EPHA6: variants seen among roughly 807,000 people sequenced by gnomAD.
EPHA6 encodes ephrin type-A receptor 6.
A neutral mutation model predicts 112.0 loss-of-function variants in EPHA6; 50 were observed. The ratio of observed to expected loss-of-function variants is 0.45; its 90% confidence interval spans 0.36 to 0.56. The LOEUF (loss-of-function observed/expected upper bound fraction) is 0.56, where lower values mean the gene tolerates loss of function less well. Ranked by LOEUF, EPHA6 falls within the 20% of genes least tolerant of loss-of-function variation. EPHA6 has a pLI of 0.00. For missense variants in EPHA6, 1,280 were observed against 1,417.4 expected (o/e 0.90, Z 1.56); for synonymous variants, 529 against 490.7 (o/e 1.08, Z -1.03).
At chr3:97,318,574 A>G (rs1432010802) in intron 5 of EPHA6, among the ~76,000 whole-genome samples, 1 of 151,904 alleles carries the variant, frequency 6.6e-6, no homozygotes, top group Non-Finnish European at 1.5e-5. Context: ...TTTAATATAT[A>G]TTTTTCAGTT....
intron 1 of EPHA6, among the ~76,000 whole-genome samples, chr3:96,840,255 C>G (rs1055220250): frequency 1.3e-5 from 2 of 151,970 alleles, no homozygotes; most frequent in East Asian, 3.9e-4. Flanking sequence ...AACCAGATAC[C>G]CAACTAATTC....
intron 2 of EPHA6, among the ~76,000 whole-genome samples, chr3:96,897,692 A>C (rs74848509): frequency 0.012 from 1,850 of 152,336 alleles, 34 homozygotes; most frequent in African/African-American, 0.043. Flanking sequence ...CAGCAAAATA[A>C]AAAGGGAGAG....
rs1337683388 is a variant in EPHA6, at chr3:96,822,840, A to G, written c.385+7832A>G. Among the ~76,000 whole-genome samples the G allele has an allele frequency of 2.0e-5, 3 of 151,346 alleles. No individual in the cohort carries two copies. In the Admixed American group the frequency reaches 2.0e-4, roughly 10 times the overall value. ...TGCAAAGAGAATCACATTCTTAGGT[A>G]GTGTATAGAGTATAACACCTAGAAA... is the stretch of plus-strand genomic sequence containing the variant. On this transcript the variant is annotated intron_variant, in intron 1 of 17. Transcript: ENST00000389672.
At chr3:97,201,433 G>A (rs1437674916) in intron 3 of EPHA6, among the ~76,000 whole-genome samples, 2 of 152,092 alleles carry the variant, frequency 1.3e-5, no homozygotes, top group African/African-American at 2.4e-5. Flanking sequence ...CCTAAAATCT[G>A]TTAACAGTTT....
chr3:97,211,374 T>A (rs1370287839), intron 3 of EPHA6, among the ~76,000 whole-genome samples: 1 of 152,180 alleles, frequency 6.6e-6, no homozygotes, highest in East Asian at 1.9e-4. Context: ...TTAAGTTCTA[T>A]CTTTTATTCC....
At chr3:97,599,118 A>AT (rs1270439325) in intron 12 of EPHA6, among the ~76,000 whole-genome samples, 3 of 151,026 alleles carry the variant, frequency 2.0e-5, no homozygotes, top group African/African-American at 7.3e-5. Flanking sequence ...GGGTTGTTTG[A>AT]TTTTTTCTTG....
chr3:97,196,124 C>T (rs2077434913), intron 3 of EPHA6, among the ~76,000 whole-genome samples: 1 of 149,926 alleles, frequency 6.7e-6, no homozygotes, highest in South Asian at 2.1e-4. Context: ...CTAGATTTGC[C>T]CTTTTGAGGC....
At chr3:97,675,436 T>G (rs1027802054) in intron 14 of EPHA6, among the ~76,000 whole-genome samples, 4 of 152,214 alleles carry the variant, frequency 2.6e-5, no homozygotes, top group African/African-American at 9.6e-5. Context: ...GCAGAGATCT[T>G]GACACTGCAC....
At chr3:97,154,251 T>C (rs2108383039) in intron 3 of EPHA6, among the ~76,000 whole-genome samples, 2 of 152,230 alleles carry the variant, frequency 1.3e-5, no homozygotes, top group East Asian at 3.9e-4. Context: ...AAGATATGTC[T>C]CGTCTTTTTC....
At chr3:97,629,364 A>T (rs1157411543) in intron 13 of EPHA6, among the ~76,000 whole-genome samples, 9 of 152,032 alleles carry the variant, frequency 5.9e-5, no homozygotes, top group Non-Finnish European at 1.3e-4. Flanking sequence ...ATACTATTCT[A>T]AAAATAATGT....
chr3:97,528,125 G>A (rs1439869760), intron 10 of EPHA6, among the ~76,000 whole-genome samples: 1 of 152,088 alleles, frequency 6.6e-6, no homozygotes, highest in Non-Finnish European at 1.5e-5. Context: ...GTGTTTTGGG[G>A]TGGCACAATG....
intron 6 of EPHA6, among the ~76,000 whole-genome samples, chr3:97,438,316 T>C (rs1156488366): frequency 1.3e-5 from 2 of 152,168 alleles, no homozygotes; most frequent in Non-Finnish European, 2.9e-5. Flanking sequence ...TACTGTTTTG[T>C]AAAATATTTT....
intron 5 of EPHA6, among the ~76,000 whole-genome samples, chr3:97,265,043 T>C (rs529738106): frequency 5.3e-5 from 8 of 152,160 alleles, no homozygotes; most frequent in Non-Finnish European, 1.2e-4. Flanking sequence ...ATTGTTAAGC[T>C]ATCAGCAGAG....
At chr3:97,637,765 C>T (rs1312063641) in intron 13 of EPHA6, 108 bp from the exon 14 acceptor site, 1 of 805,138 alleles carries the variant, frequency 1.2e-6, no homozygotes, top group Non-Finnish European at 2.0e-6. Flanking sequence ...AAAGTTGATG[C>T]TTATCTTCAT....
At position 97,421,208 on chromosome 3, in the gene EPHA6, A is replaced by G. The variant is rs578057167; in HGVS notation, c.1731+15934A>G. 6.6e-5 allele frequency among the ~76,000 whole-genome samples: 10 copies of G among 152,204 alleles called. No homozygotes were observed. The East Asian group carries it at 1.9e-3, about 29-fold the overall frequency. ...TTCCAATGGGATAAAAATAAAATAA[A>G]ATAAAAGCATATATGTTGTTAAAAA... On this transcript the variant is annotated intron_variant, in intron 6 of 17. Transcript: ENST00000389672.
intron 2 of EPHA6, among the ~76,000 whole-genome samples, chr3:96,975,774 C>T (rs1409526077): frequency 2.0e-5 from 3 of 152,124 alleles, no homozygotes; most frequent in Non-Finnish European, 4.4e-5. Context: ...AAAGAGCTCA[C>T]AAAATGACCA....
intron 5 of EPHA6, among the ~76,000 whole-genome samples, chr3:97,293,309 G>T (rs2080759225): frequency 6.6e-6 from 1 of 152,088 alleles, no homozygotes; most frequent in Non-Finnish European, 1.5e-5. Flanking sequence ...TGAGTGTCCA[G>T]CTCTCAGCGG....
chr3:97,419,352 G>A (rs1015194617), intron 6 of EPHA6, among the ~76,000 whole-genome samples: 8 of 151,476 alleles, frequency 5.3e-5, no homozygotes, highest in African/African-American at 1.9e-4. Flanking sequence ...GGTCAGGCAC[G>A]GTGGCTTACG....
chr3:97,540,044 G>A (rs2092826901), intron 11 of EPHA6, among the ~76,000 whole-genome samples: 1 of 152,102 alleles, frequency 6.6e-6, no homozygotes, highest in African/African-American at 2.4e-5. Flanking sequence ...AAATCCAAGG[G>A]AAAAGGGAAA....
Sources: gnomAD v4.1 joint callset for allele counts (sites outside exome capture counted in the v4.1 genomes callset) on GRCh38, gnomAD v4.1.1 for gene constraint, MANE v1.5 for transcripts, NCBI Gene and HGNC (gene_info 2026-07-23, HGNC 2026-07-21) for gene names.